The following CES5A variants were observed in gnomAD, a reference collection of about 807,000 sequenced individuals.
CES5A encodes the protein carboxylesterase 5.
Under a neutral mutation model 62.9 loss-of-function variants are expected in CES5A, and 67 were observed. The ratio of observed to expected loss-of-function variants is 1.07; its 90% CI spans 0.88 to 1.31. The LOEUF is 1.31. Ranked by LOEUF, CES5A falls within the 50% of genes most tolerant of loss-of-function variation. CES5A has a pLI of 0.00. For missense variants in CES5A, 748 were observed against 708.5 expected, an observed-to-expected ratio of 1.06 and a Z score of -0.63; for synonymous variants, 296 against 280.8, an observed-to-expected ratio of 1.05 and a Z score of -0.54.
chr16:55,869,893 T>A, intron 3 of CES5A, 149 bp from the exon 4 acceptor site: 1 of 1,145,040 alleles, frequency 8.7e-7, no homozygotes, highest in South Asian at 1.8e-5. Flanking sequence ...AGGCCCAGGG[T>A]TAAGCATGTG....
intron 10 of CES5A, among the ~76,000 whole-genome samples, chr16:55,851,215 C>G (rs1190027383): frequency 2.6e-5 from 4 of 152,112 alleles, no homozygotes; most frequent in African/African-American, 9.7e-5. Flanking sequence ...CGGCAACCCA[C>G]AGAATGGGAG....
In CES5A at chr16:55,936,121, C is replaced by G. The variant is rs148561411; in HGVS notation, c.160+13664G>C. On this transcript the variant is annotated intron_variant, in intron 2 of 13. Transcript: ENST00000521992. ...TGTGGTGCTTCAACTCTCACTCCTC[C>G]TTGGATCCTCTGTCACCTCCAATCT... 1.4e-4 allele frequency among the ~76,000 whole-genome samples: 22 copies of G among 152,268 alleles called. No individual in the cohort carries two copies. In the East Asian group the frequency reaches 4.1e-3, roughly 28 times the overall value.
At chr16:55,938,803 C>CACACATATATATATATATACACAT (rs1420576407) in intron 2 of CES5A, among the ~76,000 whole-genome samples, 3 of 86,964 alleles carry the variant, frequency 3.4e-5, no homozygotes, top group African/African-American at 1.6e-4. Flanking sequence ...TATATACACA[C>CACACATATATATATATATACACAT]ATATATATAT....
intron 2 of CES5A, chr16:55,949,644 G>A (rs1483431418): frequency 7.3e-6 from 3 of 409,772 alleles, no homozygotes; most frequent in Non-Finnish European, 1.3e-5. Flanking sequence ...GGCAGGATAA[G>A]AACATCTTGA....
At position 55,871,764 on chromosome 16, in the gene CES5A, CT is replaced by C. The variant is rs757803224; in HGVS notation, c.279-2del. The C allele has an allele frequency of 1.4e-3, 2,239 of 1,613,676 alleles. 3 individuals carry two copies. The highest frequency in any genetic ancestry group is 1.7e-3 in the Non-Finnish European group (1,968 of 1,179,710). On this transcript the variant is annotated splice_acceptor_variant, in intron 2 of 12. Coordinates refer to ENST00000290567, the MANE Select transcript of CES5A (RefSeq NM_001143685.2). LOFTEE classifies it high-confidence loss of function. Reference sequence around the variant, plus strand: ...CAGCCACTCTGAGTTCTGGAGGCACCTTGGAGAAGGAGAGGAGAAAACCCTC... The same window carrying C: ...CAGCCACTCTGAGTTCTGGAGGCACCTGGAGAAGGAGAGGAGAAAACCCTC...
intron 1 of CES5A, among the ~76,000 whole-genome samples, chr16:55,921,574 A>T (rs1430241817): frequency 4.0e-5 from 6 of 151,382 alleles, no homozygotes; most frequent in African/African-American, 1.5e-4. Flanking sequence ...AAAAGCTGAG[A>T]GAATTCACTA....
intron 1 of CES5A, among the ~76,000 whole-genome samples, chr16:55,888,028 T>C (rs55991956): frequency 0.23 from 35,182 of 152,148 alleles, 5,064 homozygotes; most frequent in Non-Finnish European, 0.32. Flanking sequence ...ATAGGAATAT[T>C]GTGAGTTATT....
At chr16:55,939,771 T>C (rs541410899) in intron 2 of CES5A, among the ~76,000 whole-genome samples, 44 of 151,704 alleles carry the variant, frequency 2.9e-4, no homozygotes, top group African/African-American at 1.0e-3. Context: ...TGATCCTGGA[T>C]CATAAAACAA....
At chr16:55,853,563 C>T (rs1392465031) in intron 9 of CES5A, among the ~76,000 whole-genome samples, 1 of 152,154 alleles carries the variant, frequency 6.6e-6, no homozygotes, top group Non-Finnish European at 1.5e-5. Flanking sequence ...CTTACCTAAG[C>T]TAGTTGGTCT....
At position 55,856,371 on chromosome 16, in the gene CES5A, A is replaced by G; in HGVS notation, c.1125+6T>C. 6.2e-7 allele frequency: 1 copy of G among 1,613,716 alleles called. No homozygotes were observed. Among genetic ancestry groups the G allele is most frequent in the Non-Finnish European group, 8.5e-7 (1 of 1,179,734 alleles). On this transcript the variant is annotated splice_donor_region_variant and intron_variant, in intron 9 of 12. Coordinates refer to ENST00000290567, the MANE Select transcript of CES5A (RefSeq NM_001143685.2). Reference sequence around the variant, plus strand: ...CTGGAGTACTGCAGCCTCCCAAGCTACTCACCAGGATGTTTTGTATCAGAT... The same window carrying G: ...CTGGAGTACTGCAGCCTCCCAAGCTGCTCACCAGGATGTTTTGTATCAGAT...
At chr16:55,926,724 G>A (rs77717170), upstream of CES5A, among the ~76,000 whole-genome samples, 450 of 152,282 alleles carry the variant, frequency 3.0e-3, 13 homozygotes, top group Admixed American at 0.023. Context: ...TTTTGCTAAA[G>A]CTGTAGCTTT....
chr16:55,894,045 GA>G (rs1419786848), intron 1 of CES5A, among the ~76,000 whole-genome samples: 3 of 151,756 alleles, frequency 2.0e-5, no homozygotes, highest in Admixed American at 6.6e-5. Flanking sequence ...ATTTTTGTTA[GA>G]AAAAATAGAA....
intron 1 of CES5A, among the ~76,000 whole-genome samples, chr16:55,897,955 A>T (rs781492883): frequency 6.6e-6 from 1 of 152,222 alleles, no homozygotes; most frequent in African/African-American, 2.4e-5. Flanking sequence ...AAGTCAAACT[A>T]AAAAAGCCAA....
Position 55,849,756 on chromosome 16 carries a change from A to G in CES5A, c.1291T>C (p.Tyr431His). The G allele has an allele frequency of 2.5e-6, 4 of 1,613,966 alleles. No individual in the cohort carries two copies. The highest frequency in any genetic ancestry group is 2.2e-5 in the East Asian group (1 of 44,876). Reference sequence around the variant, plus strand: ...GGCCGGTGCCGAAACTCATAGAAGTAGACAGGTGCACCAGCATCTGACAAA... The same window carrying G: ...GGCCGGTGCCGAAACTCATAGAAGTGGACAGGTGCACCAGCATCTGACAAA... ...RYHRDAGAPV[Y>H]FYEFRHRPQC... Residue 431 changes from tyrosine to histidine, a missense_variant, in exon 11 of 13, where the codon TAC (tyrosine) becomes CAC (histidine). Coordinates refer to ENST00000290567, the MANE Select transcript of CES5A (RefSeq NM_001143685.2).
chr16:55,879,891 C>T (rs2033744007), upstream of CES5A, among the ~76,000 whole-genome samples: 1 of 152,222 alleles, frequency 6.6e-6, no homozygotes, highest in African/African-American at 2.4e-5. Context: ...AGGCATGGGC[C>T]ACCACACTTA....
At chr16:55,918,480 C>T (rs1376575169) in intron 1 of CES5A, among the ~76,000 whole-genome samples, 2 of 152,168 alleles carry the variant, frequency 1.3e-5, no homozygotes, top group Non-Finnish European at 2.9e-5. Context: ...CTTCCCATAC[C>T]ATTAGATTCT....
At chr16:55,858,740 A>T (rs1256869667) in intron 8 of CES5A, among the ~76,000 whole-genome samples, 2 of 152,232 alleles carry the variant, frequency 1.3e-5, no homozygotes, top group Non-Finnish European at 2.9e-5. Flanking sequence ...ATGAGCTTCA[A>T]CAGTATTAGG....
At chr16:55,928,114 G>A (rs552651092), upstream of CES5A, among the ~76,000 whole-genome samples, 2 of 152,084 alleles carry the variant, frequency 1.3e-5, no homozygotes, top group Admixed American at 1.3e-4. Context: ...GTGGTGGCAG[G>A]TGCCTATAGT....
chr16:55,876,807 T>G (rs2033700599), upstream of CES5A, among the ~76,000 whole-genome samples: 1 of 152,156 alleles, frequency 6.6e-6, no homozygotes, highest in African/African-American at 2.4e-5. Flanking sequence ...GATCCAGACA[T>G]CACCGTGTGG....
Sources: allele counts gnomAD v4.1 joint callset (sites outside exome capture counted in the v4.1 genomes callset), GRCh38; gene constraint gnomAD v4.1.1; transcripts MANE v1.5; gene names NCBI Gene and HGNC (gene_info 2026-07-23, HGNC 2026-07-21).